Variants in CSMD1 observed in about 807,000 individuals in gnomAD.
The protein encoded by CSMD1 is CUB and Sushi multiple domains 1.
Under a neutral mutation model 417.5 loss-of-function variants are expected in CSMD1, and 213 were observed. The ratio of observed to expected loss-of-function variants is 0.51; its 90% CI spans 0.46 to 0.57. The LOEUF (loss-of-function observed/expected upper bound fraction) is 0.57, where lower values mean the gene tolerates loss of function less well. Among genes scored for constraint, CSMD1 ranks in the 20% least tolerant of loss-of-function variants. CSMD1 has a pLI of 0.00. For synonymous variants in CSMD1, 2,862 were observed against 1,736.8 expected (o/e 1.65, Z -16.11); for missense variants, 6,923 against 4,529.7 (o/e 1.53, Z -15.17).
intron 5 of CSMD1, among the ~76,000 whole-genome samples, chr8:3,966,242 T>C (rs1812671696): frequency 6.6e-6 from 1 of 152,152 alleles, no homozygotes; most frequent in South Asian, 2.1e-4. Context: ...TTTCCGCCCA[T>C]ATTTAATCAA....
intron 7 of CSMD1, among the ~76,000 whole-genome samples, chr8:3,625,674 C>G (rs898322687): frequency 1.3e-5 from 2 of 152,046 alleles, no homozygotes; most frequent in Non-Finnish European, 2.9e-5. Context: ...CTCTATTGTA[C>G]ATAAAAAATA....
intron 3 of CSMD1, among the ~76,000 whole-genome samples, chr8:4,222,287 C>G (rs901109479): frequency 1.1e-4 from 16 of 152,010 alleles, no homozygotes; most frequent in Middle Eastern, 3.2e-3. Context: ...CCAGGTATTG[C>G]TTTTAATTTT....
intron 1 of CSMD1, among the ~76,000 whole-genome samples, chr8:4,802,188 T>C (rs1482276539): frequency 6.6e-6 from 1 of 152,184 alleles, no homozygotes; most frequent in Non-Finnish European, 1.5e-5. Flanking sequence ...TTATGCTATC[T>C]ATAGGATGCT....
At position 3,552,172 on chromosome 8, in the gene CSMD1, C is replaced by G. The variant is rs571359979; in HGVS notation, c.1344+22773G>C. Among the ~76,000 whole-genome samples, 241 of 152,216 alleles carry G rather than the reference C, an allele frequency of 1.6e-3. 1 individual carries two copies. Among genetic ancestry groups the G allele is most frequent in the African/African-American group, 5.7e-3 (237 of 41,532 alleles). ...TTCTAAGAGAAAGAGGTGAGATTTT[C>G]TGCACAAACAGAGTACTGTCTGTGG... On this transcript the variant is annotated intron_variant, in intron 10 of 69. Coordinates refer to ENST00000635120, the MANE Select transcript of CSMD1 (RefSeq NM_033225.6).
chr8:3,891,023 T>C (rs941909428), intron 5 of CSMD1, among the ~76,000 whole-genome samples: 6 of 151,882 alleles, frequency 4.0e-5, no homozygotes, highest in African/African-American at 7.3e-5. Context: ...CGTGAAATAA[T>C]TGAGCAGCTT....
intron 10 of CSMD1, among the ~76,000 whole-genome samples, chr8:3,494,571 GATA>G (rs1209626105): frequency 1.4e-5 from 2 of 139,808 alleles, no homozygotes; most frequent in African/African-American, 5.4e-5. Context: ...TAGATAGATA[GATA>G]GATAGATAGA....
chr8:3,626,959 C>G (rs1450190290), intron 7 of CSMD1, among the ~76,000 whole-genome samples: 1 of 151,206 alleles, frequency 6.6e-6, no homozygotes, highest in Non-Finnish European at 1.5e-5. Flanking sequence ...CACAGTTATA[C>G]AGTGTTTAGT....
At chr8:4,535,771 T>G (rs1797073838) in intron 2 of CSMD1, among the ~76,000 whole-genome samples, 1 of 152,208 alleles carries the variant, frequency 6.6e-6, no homozygotes, top group South Asian at 2.1e-4. Context: ...TAGTTCATGC[T>G]TCTAGGACTT....
intron 41 of CSMD1, among the ~76,000 whole-genome samples, chr8:3,133,624 G>A (rs974497732): frequency 6.6e-6 from 1 of 152,164 alleles, no homozygotes; most frequent in African/African-American, 2.4e-5. Flanking sequence ...GTCAGGAGGG[G>A]CGGGCATAGA....
At chr8:4,068,736 G>A (rs1799389314) in intron 3 of CSMD1, among the ~76,000 whole-genome samples, 1 of 152,134 alleles carries the variant, frequency 6.6e-6, no homozygotes, top group Non-Finnish European at 1.5e-5. Context: ...TGCCTGCGCT[G>A]TGTATTTCTG....
intron 10 of CSMD1, among the ~76,000 whole-genome samples, chr8:3,510,596 A>G (rs1341335707): frequency 1.3e-5 from 2 of 151,902 alleles, no homozygotes; most frequent in African/African-American, 4.9e-5. Context: ...TAATGCCTCA[A>G]AAAATGCTGG....
At chr8:3,538,540 G>A (rs565841479) in intron 10 of CSMD1, among the ~76,000 whole-genome samples, 2 of 152,230 alleles carry the variant, frequency 1.3e-5, no homozygotes, top group Admixed American at 6.5e-5. Flanking sequence ...CCTCGCCTGC[G>A]ATGCCGCACT....
At chr8:3,893,099 C>T (rs1018384320) in intron 5 of CSMD1, among the ~76,000 whole-genome samples, 3 of 151,686 alleles carry the variant, frequency 2.0e-5, no homozygotes, top group African/African-American at 7.3e-5. Flanking sequence ...TTTCTATTAT[C>T]TCTGCAAAAA....
intron 1 of CSMD1, among the ~76,000 whole-genome samples, chr8:4,746,401 TA>T (rs2117028336): frequency 6.6e-6 from 1 of 152,346 alleles, no homozygotes; most frequent in African/African-American, 2.4e-5. Flanking sequence ...AATCTCATTT[TA>T]AGGCAAATGC....
intron 1 of CSMD1, among the ~76,000 whole-genome samples, chr8:4,962,200 A>G (rs559910942): frequency 7.1e-6 from 1 of 141,710 alleles, no homozygotes; most frequent in African/African-American, 2.9e-5. Flanking sequence ...TTTTTTTTAA[A>G]AAAAAAAGAA....
In CSMD1 at chr8:3,556,414, TTC is replaced by T. The variant is rs1457672012; in HGVS notation, c.1344+18529_1344+18530del. 7.7e-3 allele frequency among the ~76,000 whole-genome samples: 1,091 copies of T among 142,022 alleles called. 8 individuals are homozygous for T. Among genetic ancestry groups the T allele is most frequent in the Non-Finnish European group, 0.012 (798 of 65,972 alleles). 93.2% of individuals were successfully genotyped at this position (142,022 alleles called of 152,430 possible). The stretch of plus-strand genomic sequence containing the variant: ...ATTAATATATATATATATATATATA[TTC>T]ACACACACAAAGAATTTATGAGGGA... On this transcript the variant is annotated intron_variant, in intron 10 of 69. Transcript: ENST00000635120.
chr8:3,277,536 G>A (rs118156691), intron 26 of CSMD1, among the ~76,000 whole-genome samples: 1 of 152,074 alleles, frequency 6.6e-6, no homozygotes, highest in African/African-American at 2.4e-5. Flanking sequence ...GAGATCTACA[G>A]AGGTCTAAAA....
At chr8:4,130,307 T>A (rs867116957) in intron 3 of CSMD1, among the ~76,000 whole-genome samples, 9 of 152,140 alleles carry the variant, frequency 5.9e-5, no homozygotes, top group Admixed American at 1.3e-4. Context: ...TCTGGTATAA[T>A]CCCCAAATAT....
chr8:3,622,762 A>T (rs898671265), intron 7 of CSMD1, among the ~76,000 whole-genome samples: 1 of 144,884 alleles, frequency 6.9e-6, no homozygotes, highest in South Asian at 2.3e-4. Context: ...TGTGCAAGGA[A>T]ATGATAGCTC....
Sources: allele counts gnomAD v4.1 joint callset (sites outside exome capture counted in the v4.1 genomes callset), GRCh38; gene constraint gnomAD v4.1.1; transcripts MANE v1.5; gene names NCBI Gene and HGNC (gene_info 2026-07-23, HGNC 2026-07-21).